Variants in ASIC2 observed in about 807,000 individuals in gnomAD.
ASIC2 encodes the protein acid-sensing ion channel 2.
ASIC2 carries 25 observed loss-of-function variants against 57.3 expected under a neutral mutation model. The observed-to-expected ratio is 0.44, with a 90% CI of 0.32 to 0.61. The LOEUF is 0.61. Among genes scored for constraint, ASIC2 ranks in the 20% least tolerant of loss-of-function variants. ASIC2 has a pLI of 0.06. For missense variants in ASIC2, 641 were observed against 738.1 expected (o/e 0.87, Z 1.52); for synonymous variants, 319 against 307.5 (o/e 1.04, Z -0.39).
chr17:33,384,661 T>C (rs1909610877), intron 1 of ASIC2, among the ~76,000 whole-genome samples: 1 of 152,216 alleles, frequency 6.6e-6, no homozygotes, highest in Non-Finnish European at 1.5e-5. Context: ...GGCGGATTAT[T>C]GACCTTGGAA....
chr17:33,226,774 C>T (rs79541665), intron 1 of ASIC2, among the ~76,000 whole-genome samples: 8,514 of 151,910 alleles, frequency 0.056, 487 homozygotes, highest in African/African-American at 0.15. Context: ...GGGGCTCTTT[C>T]CCTGCCTGGG....
chr17:33,209,301 T>A (rs1364441558), intron 1 of ASIC2, among the ~76,000 whole-genome samples: 1 of 152,222 alleles, frequency 6.6e-6, no homozygotes, highest in Non-Finnish European at 1.5e-5. Context: ...TCCAGTTTTG[T>A]TTTTTGTCAA....
chr17:33,939,643 A>G (rs955929910), intron 1 of ASIC2, among the ~76,000 whole-genome samples: 3 of 152,224 alleles, frequency 2.0e-5, no homozygotes, highest in Non-Finnish European at 4.4e-5. Flanking sequence ...TCAATTCCAC[A>G]GAGCTGGTGT....
intron 1 of ASIC2, among the ~76,000 whole-genome samples, chr17:33,453,456 C>G (rs1912338156): frequency 6.6e-6 from 1 of 152,068 alleles, no homozygotes; most frequent in African/African-American, 2.4e-5. Context: ...TGAAAAGAGG[C>G]AGGGAGGCCA....
At chr17:33,353,002 CA>C (rs1397154524) in intron 1 of ASIC2, among the ~76,000 whole-genome samples, 3 of 152,182 alleles carry the variant, frequency 2.0e-5, no homozygotes, top group African/African-American at 7.2e-5. Flanking sequence ...GCACCAATAA[CA>C]TTTACCCATC....
chr17:33,134,479 G>T (rs961018892), intron 1 of ASIC2, among the ~76,000 whole-genome samples: 1 of 152,254 alleles, frequency 6.6e-6, no homozygotes, highest in Admixed American at 6.5e-5. Context: ...AAACTGGGAT[G>T]TAGTCCCCTT....
intron 1 of ASIC2, among the ~76,000 whole-genome samples, chr17:33,893,495 A>G (rs762135633): frequency 6.6e-6 from 1 of 152,226 alleles, no homozygotes; most frequent in Non-Finnish European, 1.5e-5. Flanking sequence ...ATTCCAATTT[A>G]TAGGAGGTAG....
chr17:33,661,201 A>G (rs1220994580), intron 1 of ASIC2, among the ~76,000 whole-genome samples: 5 of 152,140 alleles, frequency 3.3e-5, no homozygotes, highest in South Asian at 4.2e-4. Context: ...CCAGCCTCCA[A>G]GAGCAAGCAC....
chr17:33,154,281 T>C (rs1904912237), intron 1 of ASIC2, among the ~76,000 whole-genome samples: 1 of 152,232 alleles, frequency 6.6e-6, no homozygotes, highest in African/African-American at 2.4e-5. Context: ...ACTCCTGTAC[T>C]CAAGAATCCT....
chr17:33,828,497 A>G (rs1913008647), intron 1 of ASIC2: 1 of 152,204 alleles, frequency 6.6e-6, no homozygotes, highest in Non-Finnish European at 1.5e-5. Flanking sequence ...TACACAAGAA[A>G]GAGGTAAGAT....
intron 1 of ASIC2, among the ~76,000 whole-genome samples, chr17:33,488,212 C>T (rs537252399): frequency 8.5e-5 from 13 of 152,244 alleles, no homozygotes; most frequent in African/African-American, 2.6e-4. Flanking sequence ...CACTCTCCCC[C>T]ACCCTGTTTG....
Position 33,621,917 on chromosome 17 carries a change from C to A in ASIC2, c.556-509850G>T, listed in dbSNP as rs1764940594. On this transcript the variant is annotated intron_variant, in intron 1 of 9. Coordinates refer to the ASIC2 transcript ENST00000359872. ...CTGTTAAGTTGGGATGATAATAGTACCTACCTTGCGGTTATTGTGACTAGT... is the reference window on the plus strand; with the variant it reads ...CTGTTAAGTTGGGATGATAATAGTAACTACCTTGCGGTTATTGTGACTAGT... Among the ~76,000 whole-genome samples the A allele has an allele frequency of 2.6e-5, 4 of 152,000 alleles. No individual in the cohort carries two copies. In the South Asian group the frequency reaches 8.3e-4, roughly 32 times the overall value.
At chr17:34,032,432 G>A (rs903465425) in intron 1 of ASIC2, among the ~76,000 whole-genome samples, 1 of 152,124 alleles carries the variant, frequency 6.6e-6, no homozygotes, top group African/African-American at 2.4e-5. Flanking sequence ...AAACCATCAA[G>A]GCTAGGAAGA....
intron 1 of ASIC2, among the ~76,000 whole-genome samples, chr17:33,899,934 C>T (rs1416269899): frequency 1.3e-5 from 2 of 152,180 alleles, no homozygotes; most frequent in Admixed American, 1.3e-4. Context: ...TACAAAGCAG[C>T]CCTGATAGGT....
upstream of ASIC2, among the ~76,000 whole-genome samples, chr17:33,293,766 G>A (rs1287924067): frequency 5.9e-5 from 9 of 152,134 alleles, no homozygotes; most frequent in Non-Finnish European, 7.4e-5. Flanking sequence ...GTGGCCATTA[G>A]AGTGTGGTGC....
At chr17:33,028,117 T>C in intron 4 of ASIC2, 125 bp downstream of exon 4, 28 of 1,339,610 alleles carry the variant, frequency 2.1e-5, no homozygotes, top group Non-Finnish European at 2.8e-5. Flanking sequence ...TAACAGAGTC[T>C]TCCCAGAACA....
In ASIC2 at chr17:33,420,610, C is replaced by T. The variant is rs574416835; in HGVS notation, c.556-308543G>A. Among the ~76,000 whole-genome samples, 25 of 152,280 alleles carry T rather than the reference C, an allele frequency of 1.6e-4. No individual in the cohort carries two copies. In the South Asian group the frequency reaches 3.9e-3, roughly 24 times the overall value. On this transcript the variant is annotated intron_variant, in intron 1 of 9. Coordinates refer to the ASIC2 transcript ENST00000359872. ...GCTTTCAGGAGTCTTTGTGAGAATACAGATATCTGCTTTTGATTGAGATAT... is the reference window on the plus strand; with the variant it reads ...GCTTTCAGGAGTCTTTGTGAGAATATAGATATCTGCTTTTGATTGAGATAT...
At chr17:33,434,368 C>G (rs1014364678) in intron 1 of ASIC2, among the ~76,000 whole-genome samples, 1 of 152,086 alleles carries the variant, frequency 6.6e-6, no homozygotes, top group South Asian at 2.1e-4. Context: ...ACACAGTGTA[C>G]CTGAAAAATT....
chr17:33,709,980 C>T (rs1908977375), intron 1 of ASIC2, among the ~76,000 whole-genome samples: 1 of 152,128 alleles, frequency 6.6e-6, no homozygotes, highest in Non-Finnish European at 1.5e-5. Context: ...TTGCATTGAC[C>T]TTGTTATCTT....
Sources: allele counts gnomAD v4.1 joint callset (sites outside exome capture counted in the v4.1 genomes callset), GRCh38; gene constraint gnomAD v4.1.1; transcripts MANE v1.5; gene names NCBI Gene and HGNC (gene_info 2026-07-23, HGNC 2026-07-21).